FADS3: variants seen among roughly 807,000 people sequenced by gnomAD.
FADS3 encodes the protein cytochrome b5-related protein.
In FADS3, 30 loss-of-function variants were observed where a neutral mutation model predicts 60.4. The ratio of observed to expected loss-of-function variants is 0.50; its 90% CI spans 0.37 to 0.67. FADS3 has a LOEUF of 0.67. Among genes scored for constraint, FADS3 ranks in the 30% least tolerant of loss-of-function variants. The pLI is 0.00. For missense variants in FADS3, 432 were observed against 598.3 expected (o/e 0.72, Z 2.90); for synonymous variants, 234 against 249.3 (o/e 0.94, Z 0.58).
chr11:61,885,478 C>T (rs1374660420), intron 1 of FADS3, among the ~76,000 whole-genome samples: 1 of 152,176 alleles, frequency 6.6e-6, no homozygotes, highest in African/African-American at 2.4e-5. Flanking sequence ...GCCCTGCAGC[C>T]CTGATGAGCC....
chr11:61,874,132 G>A (rs1189482256), intron 11 of FADS3, among the ~76,000 whole-genome samples: 6 of 152,212 alleles, frequency 3.9e-5, no homozygotes, highest in African/African-American at 7.2e-5. Context: ...ATGAGCCTGG[G>A]TGGGCCTGTC....
chr11:61,887,203 GAGGCC>G (rs1938346805), intron 1 of FADS3, among the ~76,000 whole-genome samples: 1 of 152,216 alleles, frequency 6.6e-6, no homozygotes, highest in Non-Finnish European at 1.5e-5. Context: ...ATCATAGAGC[GAGGCC>G]AGGCTGGCTC....
intron 1 of FADS3, chr11:61,886,143 T>C (rs981751577): frequency 2.6e-5 from 4 of 152,086 alleles, no homozygotes; most frequent in African/African-American, 9.7e-5. Context: ...AGGGTGGGCA[T>C]ATATGTGAGG....
At chr11:61,882,740 T>C (rs1474249018) in intron 1 of FADS3, among the ~76,000 whole-genome samples, 7 of 152,166 alleles carry the variant, frequency 4.6e-5, no homozygotes, top group African/African-American at 1.7e-4. Context: ...ATTTATCTTT[T>C]ATTTTTTGAG....
chr11:61,886,444 C>A (rs1166638742), intron 1 of FADS3: 1 of 152,262 alleles, frequency 6.6e-6, no homozygotes, highest in Non-Finnish European at 1.5e-5. Context: ...AAAACGCCTG[C>A]GGGGAGCCCA....
In FADS3 at chr11:61,879,485, C is replaced by T; in HGVS notation, c.349G>A (p.Ala117Thr). ...LNAQLVEDFR[A>T]LHQAAEDMKL... is the part of the protein sequence containing the mutation. ...ATGTCCTCGGCTGCCTGGTGCAGGG[C>T]TCGGAAGTCCTCGACCAGCTGCGCC... The change falls in exon 3 of 12, where the codon GCC becomes ACC. Residue 117 changes from alanine to threonine, a missense_variant. Physicochemically the swap from Ala to Thr is moderately conservative, Grantham distance 58. Around this residue, in one of 5 missense-constraint regions of FADS3, gnomAD observed 167 missense variants for 188.8 expected, o/e 0.88. Transcript: ENST00000278829. The T allele has an allele frequency of 6.3e-7, 1 of 1,590,818 alleles. No homozygotes were observed. Among genetic ancestry groups the T allele is most frequent in the Non-Finnish European group, 8.5e-7 (1 of 1,170,998 alleles).
In FADS3 at chr11:61,891,304, C is replaced by A; in HGVS notation, c.78G>T (p.Glu26Asp). Residue 26 changes from glutamate to aspartate, a missense_variant, in exon 1 of 12, where the codon GAG becomes GAT. By Grantham distance (45) the Glu-to-Asp change is conservative. This residue lies in a region of FADS3 where 167 missense variants were observed against 188.8 expected (regional missense o/e 0.88). Transcript: ENST00000278829. ...CGGGCTGGTCGTGCGCGCGGATCTG[C>A]TCCCAGCAGAAGGTGGGCAGCGGCG... ...PGAPLPTFCW[E>D]QIRAHDQPGD... is the part of the protein sequence containing the mutation. 1 of 1,530,504 alleles carries A rather than the reference C, an allele frequency of 6.5e-7. No homozygotes were observed. The highest frequency in any genetic ancestry group is 8.7e-7 in the Non-Finnish European group (1 of 1,142,978). 94.8% of individuals were successfully genotyped at this position (1,530,504 alleles called of 1,614,324 possible).
rs1160808377 is a variant in FADS3 at position 61,877,560 on chromosome 11, T to A, written c.836A>T (p.Asn279Ile). ...LIGPPLLTLV[N>I]FEVENLAYML... ...GTACGCCAGATTTTCCACTTCAAAGTTCACCAGGGTGAGCAGCGGCGGGCC... is the reference window on the plus strand; with the variant it reads ...GTACGCCAGATTTTCCACTTCAAAGATCACCAGGGTGAGCAGCGGCGGGCC... The change falls in exon 7 of 12, where the codon AAC becomes ATC. Residue 279 changes from asparagine to isoleucine, a missense_variant. This residue lies in a region of FADS3 where 116 missense variants were observed against 208.9 expected (regional missense o/e 0.56). Coordinates refer to ENST00000278829, the MANE Select transcript of FADS3 (RefSeq NM_021727.5). The surrounding 1 kb of genome is among the most constrained non-coding windows in gnomAD (Gnocchi z 4.7). 1 of 1,613,660 alleles carries A rather than the reference T, an allele frequency of 6.2e-7. No individual in the cohort carries two copies. Among genetic ancestry groups the A allele is most frequent in the Non-Finnish European group, 8.5e-7 (1 of 1,179,924 alleles).
Position 61,878,136 on chromosome 11 carries a change from A to T in FADS3, c.808+19T>A, listed in dbSNP as rs751386734. 1.2e-6 allele frequency: 2 copies of T among 1,612,300 alleles called. No homozygotes were observed. The highest frequency in any genetic ancestry group is 1.7e-6 in the Non-Finnish European group (2 of 1,178,394). On this transcript the variant is annotated intron_variant, in intron 6 of 11. Coordinates refer to ENST00000278829, the MANE Select transcript of FADS3 (RefSeq NM_021727.5). ...GGCCCAGGCACTCCCCCACCCCAGAAGGACAGATGGACACTCACTCAGGAA... is the reference window on the plus strand; with the variant it reads ...GGCCCAGGCACTCCCCCACCCCAGATGGACAGATGGACACTCACTCAGGAA...
intron 1 of FADS3, among the ~76,000 whole-genome samples, chr11:61,886,042 CA>C (rs1343654935): frequency 2.0e-5 from 3 of 152,174 alleles, no homozygotes. Context: ...ATGGGACATC[CA>C]AATTTGGCCT....
rs1279979075 is a variant in FADS3 at position 61,879,359 on chromosome 11, C to A, written c.475G>T (p.Gly159Cys). 5 of 1,562,402 alleles carry A rather than the reference C, an allele frequency of 3.2e-6. No homozygotes were observed. The South Asian group carries it at 5.9e-5, about 18-fold the overall frequency. ...AWLLIYLLGPGWVPSALAAFI... is the reference protein window; with the variant it reads ...AWLLIYLLGPCWVPSALAAFI... ...GCGGCCAGGGCACTGGGCACCCAGC[C>A]AGGACCCAGGAGGTAGATAAGGAGC... The change falls in exon 3 of 12, where the codon GGC becomes TGC. Residue 159 changes from glycine to cysteine, a missense_variant. Physicochemically the swap from Gly to Cys is radical, Grantham distance 159. Transcript: ENST00000278829.
chr11:61,880,101 T>C lies in FADS3; in HGVS notation c.264A>G (p.Leu88=), dbSNP rs1319260996. The C allele has an allele frequency of 6.2e-7, 1 of 1,614,038 alleles. No individual in the cohort carries two copies. The highest frequency in any genetic ancestry group is 8.5e-7 in the Non-Finnish European group (1 of 1,179,946). Residue 88 remains leucine (L), a synonymous_variant, in exon 2 of 12, where the codon CTA becomes CTG. Coordinates refer to ENST00000278829, the MANE Select transcript of FADS3 (RefSeq NM_021727.5). ...CCAGCTCTCCAATCAACAGGGGCTG[T>C]AGGAACTTGCGCACAAAATTGAGAT... ...HQDLNFVRKF[L]QPLLIGELAP...
chr11:61,880,700 T>C (rs1255294709), intron 1 of FADS3: 1 of 152,194 alleles, frequency 6.6e-6, no homozygotes, highest in Non-Finnish European at 1.5e-5. Flanking sequence ...AGGAAGACAC[T>C]TGAACAGTTA....
chr11:61,876,088 T>G lies in FADS3; in HGVS notation c.1160+23A>C, dbSNP rs756085717. 4.1e-5 allele frequency: 44 copies of G among 1,076,508 alleles called. No homozygotes were observed. Among genetic ancestry groups the G allele is most frequent in the Non-Finnish European group, 5.6e-5 (43 of 766,538 alleles). The allele number at this position is 1,076,508 out of a possible 1,614,324, so 66.7% of individuals were successfully genotyped here. The stretch of plus-strand genomic sequence containing the variant: ...CCAGGACCCCCTCCCCACCTCCCAC[T>G]GGCCCCCAGCACCCACACTCACTGG... On this transcript the variant is annotated intron_variant, in intron 10 of 11. Transcript: ENST00000278829. This position sits in a 1 kb window ranked among gnomAD's most constrained non-coding sequence, Gnocchi z 5.7.
At chr11:61,888,841 G>GC in intron 1 of FADS3, among the ~76,000 whole-genome samples, 1 of 152,246 alleles carries the variant, frequency 6.6e-6, no homozygotes, top group South Asian at 2.1e-4. Flanking sequence ...CTTCAAGGTC[G>GC]CTCAGTGCCT....
intron 11 of FADS3, 92 bp from the exon 12 acceptor site, chr11:61,873,957 A>G: frequency 1.2e-6 from 1 of 817,364 alleles, no homozygotes; most frequent in Non-Finnish European, 2.0e-6. Context: ...GTGTGAGCGG[A>G]GATCCCCATT....
intron 1 of FADS3, among the ~76,000 whole-genome samples, chr11:61,883,974 G>A (rs180801279): frequency 6.6e-6 from 1 of 152,358 alleles, no homozygotes; most frequent in East Asian, 1.9e-4. Flanking sequence ...TGGGCTCTCA[G>A]AGCTGGGTGG....
chr11:61,882,505 G>A (rs1270922649), intron 1 of FADS3: 2 of 151,992 alleles, frequency 1.3e-5, no homozygotes, highest in African/African-American at 2.4e-5. Flanking sequence ...CTGCAGCCTT[G>A]AAATCCTGGT....
rs1466319204 is a variant in FADS3 at position 61,891,090 on chromosome 11, A to G, written c.213+79T>C. 8.2e-6 allele frequency: 10 copies of G among 1,222,318 alleles called. No homozygotes were observed. The African/African-American group carries it at 1.4e-4, about 17-fold the overall frequency. The allele number at this position is 1,222,318 out of a possible 1,614,324, so 75.7% of individuals were successfully genotyped here. Reference sequence around the variant, plus strand: ...GGGAGGGAGGATGCTAAGGCCCCACAGGTGGAGCGGGACATCACGCCCACG... The same window carrying G: ...GGGAGGGAGGATGCTAAGGCCCCACGGGTGGAGCGGGACATCACGCCCACG... On this transcript the variant is annotated intron_variant, in intron 1 of 11. Coordinates refer to ENST00000278829, the MANE Select transcript of FADS3 (RefSeq NM_021727.5).
Sources: gnomAD v4.1 joint callset for allele counts (sites outside exome capture counted in the v4.1 genomes callset) on GRCh38, gnomAD v4.1.1 for gene constraint, gnomAD v4.1.1 regional missense constraint, Gnocchi (gnomAD v3.1) non-coding constraint, MANE v1.5 for transcripts, NCBI Gene and HGNC (gene_info 2026-07-23, HGNC 2026-07-21) for gene names.